OR1L8: variants seen among roughly 807,000 people sequenced by gnomAD.
OR1L8 encodes the protein olfactory receptor family 1 subfamily L member 8, also known as olfactory receptor 1L8.
For missense variants in OR1L8, 330 were observed against 377.4 expected (o/e 0.87, Z 1.04); for synonymous variants, 148 against 147.0 (o/e 1.01, Z -0.05).
chr9:122,555,784 A>T, the OR1L8 span, among the ~76,000 whole-genome samples: 1 of 152,196 alleles, frequency 6.6e-6, no homozygotes, highest in Non-Finnish European at 1.5e-5. Context: ...GAAAGTTCCC[A>T]TATACTTTAT....
At chr9:122,556,129 A>G in the OR1L8 span, among the ~76,000 whole-genome samples, 1 of 152,188 alleles carries the variant, frequency 6.6e-6, no homozygotes, top group Non-Finnish European at 1.5e-5. Flanking sequence ...ATCATACAGT[A>G]TATTGCCTTT....
downstream of OR1L8, among the ~76,000 whole-genome samples, chr9:122,566,885 T>G (rs1395807992): frequency 6.6e-6 from 1 of 152,198 alleles, no homozygotes; most frequent in African/African-American, 2.4e-5. Context: ...ATGGATAATT[T>G]CCATGTTATC....
In OR1L8 at chr9:122,568,009, A is replaced by C. The variant is rs1317884033; in HGVS notation, c.469T>G (p.Ser157Ala). The C allele has an allele frequency of 6.2e-7, 1 of 1,613,938 alleles. No individual in the cohort carries two copies. ...AFSCSFPHLHSLLHTLLLNRL... is the reference protein window; with the variant it reads ...AFSCSFPHLHALLHTLLLNRL... ...TTCAGCAGAAGTGTGTGCAGGAGTGAGTGGAGGTGAGGAAATGAGCAGGAG... is the reference window on the plus strand; with the variant it reads ...TTCAGCAGAAGTGTGTGCAGGAGTGCGTGGAGGTGAGGAAATGAGCAGGAG... Residue 157 changes from serine (S) to alanine (A), a missense_variant, in exon 5 of 5, where the codon TCA becomes GCA. Physicochemically the swap from Ser to Ala is moderately conservative, Grantham distance 99. Transcript: ENST00000641027.
At chr9:122,553,321 T>C in the OR1L8 span, 1 of 1,614,052 alleles carries the variant, frequency 6.2e-7, no homozygotes, top group Non-Finnish European at 8.5e-7. Flanking sequence ...TTCCTTGGCA[T>C]GTACCTGGTC....
At chr9:122,560,402 T>C in the OR1L8 span, among the ~76,000 whole-genome samples, 10 of 152,188 alleles carry the variant, frequency 6.6e-5, no homozygotes, top group Non-Finnish European at 1.0e-4. Flanking sequence ...GCACACTAAT[T>C]GATGCAATTT....
At chr9:122,550,490 A>C in the OR1L8 span, among the ~76,000 whole-genome samples, 1 of 152,192 alleles carries the variant, frequency 6.6e-6, no homozygotes, top group African/African-American at 2.4e-5. Context: ...TAGATGCAAA[A>C]ATTCTCCATA....
At chr9:122,565,546 C>T (rs1234994389), downstream of OR1L8, among the ~76,000 whole-genome samples, 3 of 152,196 alleles carry the variant, frequency 2.0e-5, no homozygotes, top group Admixed American at 6.5e-5. Flanking sequence ...AGTCTGCCAG[C>T]AGCAGAGACC....
intron 1 of OR1L8, among the ~76,000 whole-genome samples, chr9:122,580,538 A>G (rs1299260718): frequency 6.6e-6 from 1 of 152,246 alleles, no homozygotes; most frequent in African/African-American, 2.4e-5. Context: ...TGCATTTTTC[A>G]GGGCATATGA....
the OR1L8 span, among the ~76,000 whole-genome samples, chr9:122,561,675 G>C: frequency 1.3e-5 from 2 of 152,104 alleles, no homozygotes; most frequent in Admixed American, 6.5e-5. Flanking sequence ...ATGTCACTGG[G>C]GGAAGCTGGA....
the OR1L8 span, among the ~76,000 whole-genome samples, chr9:122,561,738 G>A: frequency 2.0e-5 from 3 of 152,102 alleles, no homozygotes; most frequent in Admixed American, 6.5e-5. Flanking sequence ...GACCTTGAGG[G>A]GCACCGACCT....
chr9:122,565,176 G>A (rs995770120), downstream of OR1L8, among the ~76,000 whole-genome samples: 7 of 152,170 alleles, frequency 4.6e-5, no homozygotes, highest in Non-Finnish European at 1.0e-4. Flanking sequence ...GGATTTTAGA[G>A]GAAACACATT....
At chr9:122,552,744 G>T in the OR1L8 span, among the ~76,000 whole-genome samples, 1 of 146,568 alleles carries the variant, frequency 6.8e-6, no homozygotes, top group African/African-American at 2.5e-5. Context: ...CACAAAGAGG[G>T]CTTGAGTGTG....
downstream of OR1L8, among the ~76,000 whole-genome samples, chr9:122,563,717 G>T (rs1460001778): frequency 1.3e-5 from 2 of 152,104 alleles, no homozygotes; most frequent in East Asian, 3.8e-4. Flanking sequence ...TTTCCCCTAT[G>T]GCTTTGTCTA....
the OR1L8 span, among the ~76,000 whole-genome samples, chr9:122,555,938 T>G: frequency 6.6e-6 from 1 of 152,324 alleles, no homozygotes; most frequent in East Asian, 1.9e-4. Context: ...ATTCTGTGGG[T>G]TTTGACAAAT....
chr9:122,556,022 A>G, the OR1L8 span, among the ~76,000 whole-genome samples: 1 of 152,306 alleles, frequency 6.6e-6, no homozygotes, highest in Admixed American at 6.5e-5. Flanking sequence ...TCTGTGCTTC[A>G]TCTAGTTATT....
chr9:122,580,423 A>G (rs11794986), intron 1 of OR1L8, among the ~76,000 whole-genome samples: 4,030 of 152,288 alleles, frequency 0.026, 124 homozygotes, highest in African/African-American at 0.071. Flanking sequence ...ACCATTGAAT[A>G]ATAACCTTTC....
the OR1L8 span, among the ~76,000 whole-genome samples, chr9:122,560,671 A>T: frequency 0.58 from 88,312 of 152,040 alleles, 26,169 homozygotes; most frequent in East Asian, 0.97. Flanking sequence ...CTCTTCTGGC[A>T]TGTAGGGTTT....
chr9:122,580,758 G>C, intron 1 of OR1L8, among the ~76,000 whole-genome samples: 1 of 151,886 alleles, frequency 6.6e-6, no homozygotes. Context: ...CTGGTGTCAG[G>C]GTATGTTTGT....
intron 3 of OR1L8, among the ~76,000 whole-genome samples, chr9:122,575,146 G>A (rs928342345): frequency 2.6e-5 from 4 of 151,982 alleles, no homozygotes; most frequent in Non-Finnish European, 5.9e-5. Context: ...AGAGATACAG[G>A]TTTATAGTTT....
Sources: allele counts gnomAD v4.1 joint callset (sites outside exome capture counted in the v4.1 genomes callset), GRCh38; gene constraint gnomAD v4.1.1; transcripts MANE v1.5; gene names NCBI Gene and HGNC (gene_info 2026-07-23, HGNC 2026-07-21).